BICC1: variants seen among roughly 807,000 people sequenced by gnomAD.
The protein encoded by BICC1 is protein bicaudal C homolog 1.
A neutral mutation model predicts 111.0 loss-of-function variants in BICC1; 43 were observed. That is an observed-to-expected ratio of 0.39 (90% CI 0.30 to 0.50). The LOEUF (loss-of-function observed/expected upper bound fraction) is 0.50, where lower values mean the gene tolerates loss of function less well. Ranked by LOEUF, BICC1 falls within the 20% of genes least tolerant of loss-of-function variation. The probability of loss-of-function intolerance (pLI) is 0.88; values close to 1 mark genes in which losing one functional copy is unlikely to be tolerated. For synonymous variants in BICC1, 467 were observed against 434.4 expected (o/e 1.07, Z -0.93); for missense variants, 1,091 against 1,203.2 (o/e 0.91, Z 1.38).
At chr10:58,573,596 C>T (rs944473131) in intron 1 of BICC1, among the ~76,000 whole-genome samples, 5 of 152,050 alleles carry the variant, frequency 3.3e-5, no homozygotes, top group South Asian at 2.1e-4. Context: ...CTTTATTAGG[C>T]GGTGTGTAAT....
chr10:58,800,218 A>G lies in BICC1; in HGVS notation c.1750A>G (p.Ile584Val), dbSNP rs143846398. The G allele has an allele frequency of 8.7e-6, 14 of 1,606,182 alleles. No individual in the cohort carries two copies. The highest frequency in any genetic ancestry group is 1.7e-5 in the Admixed American group (1 of 59,920). The change falls in exon 13 of 21, where the codon ATA becomes GTA. Residue 584 changes from isoleucine (I) to valine (V), a missense_variant. Ile to Val is a conservative substitution (Grantham distance 29). Around this residue, in one of 3 missense-constraint regions of BICC1, gnomAD observed 843 missense variants for 900.8 expected, o/e 0.94. Coordinates refer to ENST00000373886, the MANE Select transcript of BICC1 (RefSeq NM_001080512.3). ...AQSPDIKYGA[I>V]STSSLGEKVL... ...GTCTCCAGATATAAAATATGGTGCA[A>G]TATCCACTTCATCACTTGGAGAAAA... is the stretch of plus-strand genomic sequence containing the variant.
chr10:58,731,329 A>G lies in BICC1; in HGVS notation c.307+29186A>G, dbSNP rs80334175. 2.0e-3 allele frequency among the ~76,000 whole-genome samples: 307 copies of G among 152,154 alleles called. 3 individuals are homozygous for G. Among genetic ancestry groups the G allele is most frequent in the East Asian group, 0.019 (99 of 5,154 alleles). On this transcript the variant is annotated intron_variant, in intron 3 of 20. Transcript: ENST00000373886. ...CACTACCAGCGTTTTAGTTACAACC[A>G]CTCAATAAGTCTCTAGGAAGTTCCA...
In BICC1 at chr10:58,531,878, T is replaced by G. The variant is rs143163384; in HGVS notation, c.190+18545T>G. Among the ~76,000 whole-genome samples, 435 of 151,412 alleles carry G rather than the reference T, an allele frequency of 2.9e-3. 3 individuals carry two copies. Among genetic ancestry groups the G allele is most frequent in the African/African-American group, 9.8e-3 (403 of 41,298 alleles). Reference sequence around the variant, plus strand: ...AGACAGGTCATTTGAAATTATTGAGTCAGAGGAACAAAAAGAAAAAGGAAA... The same window carrying G: ...AGACAGGTCATTTGAAATTATTGAGGCAGAGGAACAAAAAGAAAAAGGAAA... On this transcript the variant is annotated intron_variant, in intron 1 of 20. Coordinates refer to ENST00000373886, the MANE Select transcript of BICC1 (RefSeq NM_001080512.3).
At chr10:58,556,296 A>C (rs1442632865) in intron 1 of BICC1, among the ~76,000 whole-genome samples, 1 of 152,156 alleles carries the variant, frequency 6.6e-6, no homozygotes, top group Non-Finnish European at 1.5e-5. Context: ...TAGCTCTAAA[A>C]TAAACATAAT....
chr10:58,669,101 A>G (rs577867641), intron 2 of BICC1, among the ~76,000 whole-genome samples: 4 of 152,206 alleles, frequency 2.6e-5, no homozygotes, highest in African/African-American at 9.6e-5. Flanking sequence ...AATAAAATAT[A>G]GTTTCTTAGG....
intron 1 of BICC1, among the ~76,000 whole-genome samples, chr10:58,592,479 G>A (rs952453715): frequency 2.0e-5 from 3 of 152,188 alleles, no homozygotes; most frequent in South Asian, 2.1e-4. Context: ...TTGGGAGGCC[G>A]AGGCAGGCGG....
Position 58,745,603 on chromosome 10 carries a change from C to CCA in BICC1, c.308-39397_308-39396insAC, listed in dbSNP as rs1554827824. Among the ~76,000 whole-genome samples, 7 of 13,746 alleles carry CCA rather than the reference C, an allele frequency of 5.1e-4. No individual in the cohort carries two copies. In the Admixed American group the frequency reaches 6.8e-3, roughly 13 times the overall value. The allele number at this position is 13,746 out of a possible 152,430, so 9.0% of individuals were successfully genotyped here. A position where few individuals can be genotyped will look rare whatever the true frequency, so the allele number is the denominator to read the frequency against. ...TTCCAGCTCTAAGAGCCCCCCACCGCCCCCCCCCCACATTTTTTTCTGATG... is the reference window on the plus strand; with the variant it reads ...TTCCAGCTCTAAGAGCCCCCCACCGCCACCCCCCCCCACATTTTTTTCTGATG... On this transcript the variant is annotated intron_variant, in intron 3 of 20. Coordinates refer to ENST00000373886, the MANE Select transcript of BICC1 (RefSeq NM_001080512.3).
At chr10:58,634,038 A>G (rs1222729540) in intron 2 of BICC1, among the ~76,000 whole-genome samples, 1 of 146,140 alleles carries the variant, frequency 6.8e-6, no homozygotes, top group Admixed American at 7.0e-5. Context: ...CTCGTTGCCC[A>G]AGCTGGAGTG....
intron 2 of BICC1, among the ~76,000 whole-genome samples, chr10:58,624,655 G>A (rs576315825): frequency 3.9e-5 from 6 of 152,070 alleles, no homozygotes; most frequent in South Asian, 2.1e-4. Flanking sequence ...GTACACTGGC[G>A]TGATCTCAGC....
chr10:58,640,842 A>G (rs1014391651), intron 2 of BICC1, among the ~76,000 whole-genome samples: 5 of 152,230 alleles, frequency 3.3e-5, no homozygotes, highest in Non-Finnish European at 5.9e-5. Flanking sequence ...TGGTGAACAC[A>G]TCAAGTAAAA....
chr10:58,758,931 ATATTTATTTATTTATT>A lies in BICC1; in HGVS notation c.308-26040_308-26025del, dbSNP rs141127868. On this transcript the variant is annotated intron_variant, in intron 3 of 20. Coordinates refer to ENST00000373886, the MANE Select transcript of BICC1 (RefSeq NM_001080512.3). ...AAGGACAGTATCTTTGATCATTAAA[ATATTTATTTATTTATT>A]TATTTATTTATTTATTTATTTATTT... Among the ~76,000 whole-genome samples the A allele has an allele frequency of 1.2e-3, 166 of 144,152 alleles. 1 individual carries two copies. Among genetic ancestry groups the A allele is most frequent in the Admixed American group, 2.9e-3 (41 of 14,374 alleles). The allele number at this position is 144,152 out of a possible 152,430, so 94.6% of individuals were successfully genotyped here.
intron 1 of BICC1, among the ~76,000 whole-genome samples, chr10:58,616,881 C>A (rs1404520455): frequency 6.6e-6 from 1 of 152,246 alleles, no homozygotes; most frequent in Non-Finnish European, 1.5e-5. Flanking sequence ...ATGCTAACTT[C>A]TGATTCTCTT....
intron 2 of BICC1, among the ~76,000 whole-genome samples, chr10:58,622,986 A>G (rs996617262): frequency 3.3e-5 from 5 of 152,178 alleles, no homozygotes; most frequent in Non-Finnish European, 7.3e-5. Flanking sequence ...GGTGTGCATG[A>G]CAAAAGTTAA....
Position 58,603,288 on chromosome 10 carries a change from T to G in BICC1, c.191-17567T>G, listed in dbSNP as rs113019041. 4.6e-3 allele frequency among the ~76,000 whole-genome samples: 700 copies of G among 152,302 alleles called. 5 individuals carry two copies. Among genetic ancestry groups the G allele is most frequent in the African/African-American group, 0.014 (595 of 41,564 alleles). On this transcript the variant is annotated intron_variant, in intron 1 of 20. Transcript: ENST00000373886. ...TAATGAGTACAACTAGTTAGGATTA[T>G]AGGAGGCCAACTTGACTGATGGTTT...
intron 3 of BICC1, among the ~76,000 whole-genome samples, chr10:58,779,641 C>T (rs1842833593): frequency 6.6e-6 from 1 of 150,816 alleles, no homozygotes; most frequent in South Asian, 2.1e-4. Context: ...TTTGAGGAAA[C>T]TATACTTGAG....
intron 2 of BICC1, among the ~76,000 whole-genome samples, chr10:58,640,423 T>G: frequency 6.6e-6 from 1 of 152,214 alleles, no homozygotes; most frequent in Non-Finnish European, 1.5e-5. Context: ...GCATTGTGGC[T>G]TTTTTACATG....
At position 58,701,628 on chromosome 10, in the gene BICC1, C is replaced by A. The variant is rs1479910873; in HGVS notation, c.238-446C>A. On this transcript the variant is annotated intron_variant, in intron 2 of 20. Coordinates refer to ENST00000373886, the MANE Select transcript of BICC1 (RefSeq NM_001080512.3). ...GCACCCAAAGCAAGTTATTTTTTCC[C>A]CCAGGGAAAAAAATCTTCATTTAGT... 2.6e-5 allele frequency among the ~76,000 whole-genome samples: 4 copies of A among 151,982 alleles called. No homozygotes were observed. In the South Asian group the frequency reaches 6.2e-4, roughly 24 times the overall value.
intron 2 of BICC1, among the ~76,000 whole-genome samples, chr10:58,681,952 G>T (rs530222539): frequency 6.6e-6 from 1 of 151,656 alleles, no homozygotes; most frequent in East Asian, 1.9e-4. Context: ...GTGGCATATT[G>T]GTGTGCTGCA....
chr10:58,641,983 A>C (rs554656664), intron 2 of BICC1, among the ~76,000 whole-genome samples: 1 of 152,330 alleles, frequency 6.6e-6, no homozygotes, highest in South Asian at 2.1e-4. Context: ...TTAACATTGA[A>C]ACATAGTTAC....
Sources: allele counts gnomAD v4.1 joint callset (sites outside exome capture counted in the v4.1 genomes callset), GRCh38; gene constraint gnomAD v4.1.1; regional missense constraint gnomAD v4.1.1; transcripts MANE v1.5; gene names NCBI Gene and HGNC (gene_info 2026-07-23, HGNC 2026-07-21).